Variants in LETM2 observed in about 807,000 individuals in gnomAD.
The protein encoded by LETM2 is leucine zipper and EF-hand containing transmembrane protein 2, also known as LETM1 domain-containing protein LETM2, mitochondrial.
A neutral mutation model predicts 59.6 loss-of-function variants in LETM2; 58 were observed. That is an observed-to-expected ratio of 0.97 (90% CI 0.79 to 1.21). LETM2 has a LOEUF of 1.21. LETM2 is among the 50% of genes most tolerant of loss of function. The probability of loss-of-function intolerance (pLI) is 0.00; values close to 1 mark genes in which losing one functional copy is unlikely to be tolerated. For missense variants in LETM2, 572 were observed against 575.7 expected (o/e 0.99, Z 0.07); for synonymous variants, 199 against 214.1 (o/e 0.93, Z 0.62).
Position 38,400,413 on chromosome 8 carries a change from T to C in LETM2, c.783+4T>C. ...GCTCTCATCCTACGTGAAGCAGGTG[T>C]CCATCTTTTATGTAATGCCGAACAA... On this transcript the variant is annotated splice_donor_region_variant and intron_variant, in intron 5 of 10. Transcript: ENST00000379957. The C allele has an allele frequency of 1.3e-6, 2 of 1,564,762 alleles. No individual in the cohort carries two copies.
intron 6 of LETM2, among the ~76,000 whole-genome samples, 184 bp downstream of exon 6, chr8:38,401,237 A>G (rs756955754): frequency 1.3e-5 from 2 of 152,140 alleles, no homozygotes; most frequent in Non-Finnish European, 2.9e-5. Context: ...CCCGGGTTCA[A>G]GTGATTCTCA....
At position 38,388,047 on chromosome 8, in the gene LETM2, C is replaced by A. The variant is rs896495420; in HGVS notation, c.47+17C>A. 62 of 1,469,978 alleles carry A rather than the reference C, an allele frequency of 4.2e-5. No individual in the cohort carries two copies. In the Admixed American group the frequency reaches 1.2e-3, roughly 28 times the overall value. 91.1% of individuals were successfully genotyped at this position (1,469,978 alleles called of 1,614,324 possible). On this transcript the variant is annotated intron_variant, in intron 2 of 10. Transcript: ENST00000379957. ...TCGAACAAGGTAAGCATTGGAGTTA[C>A]CCCCCAATATGAACGTAATTCTTCT... is the stretch of plus-strand genomic sequence containing the variant.
intron 8 of LETM2, 29 bp downstream of exon 8, chr8:38,404,535 G>T (rs1288919698): frequency 1.4e-6 from 2 of 1,434,678 alleles, no homozygotes; most frequent in African/African-American, 2.8e-5. Context: ...GGGGACCCTC[G>T]ACGTCCATCC....
chr8:38,390,062 A>G (rs893800811), intron 2 of LETM2, among the ~76,000 whole-genome samples: 1 of 151,436 alleles, frequency 6.6e-6, no homozygotes, highest in Admixed American at 6.6e-5. Flanking sequence ...CTCTACAAAA[A>G]TTTTTAAAAC....
intron 8 of LETM2, among the ~76,000 whole-genome samples, chr8:38,406,091 ATATG>A (rs1463737575): frequency 6.6e-6 from 1 of 152,100 alleles, no homozygotes; most frequent in Non-Finnish European, 1.5e-5. Flanking sequence ...GCACAGTGAT[ATATG>A]TTTTTCAAAT....
At position 38,402,766 on chromosome 8, in the gene LETM2, G is replaced by T. The variant is rs985161901; in HGVS notation, c.1104+122G>T. On this transcript the variant is annotated intron_variant, in intron 7 of 10. Transcript: ENST00000379957. ...CTTACTTAATTTGCCTTATTTCATTGAGCAGTGGGATGCTGAAGGACTAGG... is the reference window on the plus strand; with the variant it reads ...CTTACTTAATTTGCCTTATTTCATTTAGCAGTGGGATGCTGAAGGACTAGG... 10 of 973,402 alleles carry T rather than the reference G, an allele frequency of 1.0e-5. No homozygotes were observed. In the African/African-American group the frequency reaches 1.5e-4, roughly 14 times the overall value. 60.3% of individuals were successfully genotyped at this position (973,402 alleles called of 1,614,324 possible). A position where few individuals can be genotyped will look rare whatever the true frequency, so the allele number is the denominator to read the frequency against.
At chr8:38,405,583 A>T (rs528555832) in intron 8 of LETM2, among the ~76,000 whole-genome samples, 5 of 152,182 alleles carry the variant, frequency 3.3e-5, no homozygotes, top group African/African-American at 1.2e-4. Flanking sequence ...TTCCCTTTTC[A>T]TATTTCTAGA....
rs2150445407 is a variant in LETM2 at position 38,402,642 on chromosome 8, G to A, written c.1102G>A (p.Glu368Lys). Reference sequence around the variant, plus strand: ...GGAACAACTGCGACAACAGCTCACGGAGGCAAGTAGCAGCGCCCCTCTGGG... The same window carrying A: ...GGAACAACTGCGACAACAGCTCACGAAGGCAAGTAGCAGCGCCCCTCTGGG... The part of the protein sequence containing the change: ...TEEQLRQQLT[E>K]WQDLHLKENV... The change falls in exon 7 of 11, where the codon GAG (glutamate) becomes AAG (lysine). Residue 368 changes from glutamate to lysine, a missense_variant and splice_region_variant. By Grantham distance (56) the Glu-to-Lys change is moderately conservative. Transcript: ENST00000379957. 5.0e-6 allele frequency: 8 copies of A among 1,614,048 alleles called. No homozygotes were observed. The highest frequency in any genetic ancestry group is 5.9e-6 in the Non-Finnish European group (7 of 1,179,974).
chr8:38,394,009 C>G, intron 3 of LETM2, 89 bp from the exon 4 acceptor site: 3 of 1,092,622 alleles, frequency 2.7e-6, no homozygotes, highest in Non-Finnish European at 3.7e-6. Context: ...GAAAATGAAA[C>G]AAGACAGGGT....
chr8:38,383,517 T>C (rs1252763786), upstream of LETM2: 7 of 152,186 alleles, frequency 4.6e-5, no homozygotes, highest in African/African-American at 7.2e-5. Context: ...AAATTAGATA[T>C]CTCTATCTTT....
At position 38,408,933 on chromosome 8, in the gene LETM2, T is replaced by C. The variant is rs920872087; in HGVS notation, c.*659T>C. 2.0e-5 allele frequency: 3 copies of C among 152,298 alleles called. No individual in the cohort carries two copies. The highest frequency in any genetic ancestry group is 4.8e-5 in the African/African-American group (2 of 41,460). The allele number at this position is 152,298 out of a possible 1,614,324, so 9.4% of individuals were successfully genotyped here. On this transcript the variant is annotated 3_prime_UTR_variant, in exon 11 of 11. Transcript: ENST00000379957. ...GAGGCAGCCACTCTTCTAGCACATATGGCTTTCATTAGCCACCATTTTGCT... is the reference window on the plus strand; with the variant it reads ...GAGGCAGCCACTCTTCTAGCACATACGGCTTTCATTAGCCACCATTTTGCT...
At position 38,408,359 on chromosome 8, in the gene LETM2, T is replaced by A. The variant is rs565681328; in HGVS notation, c.*85T>A. 11 of 1,208,064 alleles carry A rather than the reference T, an allele frequency of 9.1e-6. No individual in the cohort carries two copies. The highest frequency in any genetic ancestry group is 1.2e-5 in the Non-Finnish European group (10 of 833,556). 74.8% of individuals were successfully genotyped at this position (1,208,064 alleles called of 1,614,324 possible). On this transcript the variant is annotated 3_prime_UTR_variant, in exon 11 of 11. Transcript: ENST00000379957. ...GTAAAGGACCTCCCAGATAAGACTGTCTGGCTTCAGAGAGCGGATCAGCTG... is the reference window on the plus strand; with the variant it reads ...GTAAAGGACCTCCCAGATAAGACTGACTGGCTTCAGAGAGCGGATCAGCTG...
chr8:38,400,515 A>G, intron 5 of LETM2, 106 bp downstream of exon 5: 2 of 1,042,626 alleles, frequency 1.9e-6, no homozygotes, highest in Non-Finnish European at 2.8e-6. Flanking sequence ...TGGAATTGCA[A>G]ATATCTAAAT....
intron 7 of LETM2, among the ~76,000 whole-genome samples, chr8:38,404,002 T>C (rs931230929): frequency 6.6e-6 from 1 of 152,174 alleles, no homozygotes; most frequent in South Asian, 2.1e-4. Flanking sequence ...ACCACAGGCA[T>C]GTACCACCAT....
In LETM2 at chr8:38,402,593, G is replaced by T. The variant is rs767126451; in HGVS notation, c.1053G>T (p.Gly351=). 1.2e-6 allele frequency: 2 copies of T among 1,614,102 alleles called. No homozygotes were observed. Among genetic ancestry groups the T allele is most frequent in the Admixed American group, 3.3e-5 (2 of 60,026 alleles). Residue 351 remains glycine, a synonymous_variant, in exon 7 of 11, where the codon GGG becomes GGT. Coordinates refer to ENST00000379957, the MANE Select transcript of LETM2 (RefSeq NM_001286819.2). The stretch of plus-strand genomic sequence containing the variant: ...TACAGGCTGCCTGTAGGGCCCGAGG[G>T]ATGAGATCACTGGGTCTCACGGAGG... ...SELQAACRAR[G]MRSLGLTEEQ...
At chr8:38,384,529 CA>C (rs1180358465), upstream of LETM2, among the ~76,000 whole-genome samples, 3 of 152,154 alleles carry the variant, frequency 2.0e-5, no homozygotes, top group African/African-American at 7.2e-5. Flanking sequence ...CAATCTAACA[CA>C]ATTCTCAGGG....
At chr8:38,400,563 A>T in intron 5 of LETM2, 154 bp downstream of exon 5, 1 of 755,750 alleles carries the variant, frequency 1.3e-6, no homozygotes. Context: ...AATATTATAA[A>T]CATTGATAGT....
At chr8:38,391,300 G>GTTTTTTTTTTTTTTTTTTTTTTTTTTTA (rs761566202) in intron 2 of LETM2, among the ~76,000 whole-genome samples, 1 of 109,164 alleles carries the variant, frequency 9.2e-6, no homozygotes, top group Non-Finnish European at 1.9e-5. Context: ...TTTTATTTTA[G>GTTTTTTTTTTTTTTTTTTTTTTTTTTTA]TTTTTTTTTT....
chr8:38,400,258 C>T lies in LETM2; in HGVS notation c.646-14C>T. ...CACGAAGGATTGAGTAACTTTTATT[C>T]TTCTACCATTAAGGAAGAAAAACAG... On this transcript the variant is annotated splice_polypyrimidine_tract_variant and intron_variant, in intron 4 of 10. Coordinates refer to ENST00000379957, the MANE Select transcript of LETM2 (RefSeq NM_001286819.2). The T allele has an allele frequency of 6.3e-7, 1 of 1,593,376 alleles. No homozygotes were observed. The highest frequency in any genetic ancestry group is 8.6e-7 in the Non-Finnish European group (1 of 1,169,462).
Sources: allele counts gnomAD v4.1 joint callset (sites outside exome capture counted in the v4.1 genomes callset), GRCh38; gene constraint gnomAD v4.1.1; transcripts MANE v1.5; gene names NCBI Gene and HGNC (gene_info 2026-07-23, HGNC 2026-07-21).